Variants in PNPLA8 observed in about 807,000 individuals in gnomAD.
The protein encoded by PNPLA8 is patatin like domain 8, phospholipase A2.
In PNPLA8, 39 loss-of-function variants were observed where a neutral mutation model predicts 76.9. That is an observed-to-expected ratio of 0.51 (90% CI 0.39 to 0.66). The LOEUF (loss-of-function observed/expected upper bound fraction) is 0.66. Among genes scored for constraint, PNPLA8 ranks in the 30% least tolerant of loss-of-function variants. The probability of loss-of-function intolerance (pLI) is 0.00; values close to 1 mark genes in which losing one functional copy is unlikely to be tolerated. For missense variants in PNPLA8, 887 were observed against 918.0 expected, an observed-to-expected ratio of 0.97 and a Z score of 0.44; for synonymous variants, 301 against 307.9, an observed-to-expected ratio of 0.98 and a Z score of 0.24.
At chr7:108,504,920 T>C (rs1258167334) in intron 4 of PNPLA8, among the ~76,000 whole-genome samples, 1 of 151,728 alleles carries the variant, frequency 6.6e-6, no homozygotes, top group East Asian at 1.9e-4. Context: ...CTACTAAAAA[T>C]ACAAAACTAG....
intron 4 of PNPLA8, among the ~76,000 whole-genome samples, chr7:108,513,472 G>T (rs6961022): frequency 0.012 from 1,793 of 151,984 alleles, 38 homozygotes; most frequent in African/African-American, 0.039. Flanking sequence ...CTAAAAATAA[G>T]CACTAATAGA....
chr7:108,513,698 AC>A (rs1343706256), intron 4 of PNPLA8, among the ~76,000 whole-genome samples: 1 of 152,254 alleles, frequency 6.6e-6, no homozygotes, highest in South Asian at 2.1e-4. Flanking sequence ...TCATTGTTTT[AC>A]TTAATATGAT....
chr7:108,505,340 A>T (rs1563968078), intron 4 of PNPLA8, among the ~76,000 whole-genome samples: 1 of 5,566 alleles, frequency 1.8e-4, no homozygotes, highest in Non-Finnish European at 2.6e-4. Flanking sequence ...ATATATATAT[A>T]TATATATATA....
At chr7:108,477,298 G>A (rs1334379618) in intron 10 of PNPLA8, among the ~76,000 whole-genome samples, 7 of 152,100 alleles carry the variant, frequency 4.6e-5, no homozygotes, top group Non-Finnish European at 7.4e-5. Flanking sequence ...ATAAAGCTGG[G>A]AGAAAAAGAG....
rs767804992 is a variant in PNPLA8 at position 108,515,485 on chromosome 7, T to C, written c.7A>G (p.Ile3Val). The change falls in exon 3 of 11, where the codon ATT (isoleucine) becomes GTT (valine). Residue 3 changes from isoleucine (I) to valine (V), a missense_variant. Ile to Val is a conservative substitution (Grantham distance 29). Coordinates refer to ENST00000257694, the MANE Select transcript of PNPLA8 (RefSeq NM_001256007.3). ...ATATATATATCTACAGTCAGATTAA[T>C]AGACATAACTTAAAAATCATTTATT... MSINLTVDIYIYL... is the reference protein window; with the variant it reads MSVNLTVDIYIYL... 4.6e-5 allele frequency: 66 copies of C among 1,435,050 alleles called. 1 individual carries two copies. In the South Asian group the frequency reaches 8.3e-4, roughly 18 times the overall value. 88.9% of individuals were successfully genotyped at this position (1,435,050 alleles called of 1,614,324 possible).
intron 9 of PNPLA8, chr7:108,480,728 T>G: frequency 2.4e-6 from 1 of 420,300 alleles, no homozygotes; most frequent in South Asian, 1.7e-5. Flanking sequence ...CTCATTTCAT[T>G]GTAAAATATT....
chr7:108,512,977 T>C (rs540125253), intron 4 of PNPLA8, among the ~76,000 whole-genome samples: 8 of 152,264 alleles, frequency 5.3e-5, no homozygotes, highest in African/African-American at 1.9e-4. Flanking sequence ...GTGAGCCACC[T>C]TGCCCCTTCT....
intron 5 of PNPLA8, 103 bp from the exon 6 acceptor site, chr7:108,497,680 C>A: frequency 1.9e-6 from 1 of 514,592 alleles, no homozygotes; most frequent in South Asian, 5.3e-5. Context: ...AGTTTATATG[C>A]TAACATGAAA....
intron 4 of PNPLA8, among the ~76,000 whole-genome samples, chr7:108,511,725 C>T (rs1862946011): frequency 6.6e-6 from 1 of 152,042 alleles, no homozygotes; most frequent in Non-Finnish European, 1.5e-5. Context: ...TCATTTGGAT[C>T]TAATCAGTTA....
At chr7:108,494,606 T>C (rs1025470294) in intron 7 of PNPLA8, among the ~76,000 whole-genome samples, 1 of 152,196 alleles carries the variant, frequency 6.6e-6, no homozygotes, top group Admixed American at 6.5e-5. Flanking sequence ...TCCAATCCAC[T>C]GTTGATGGGC....
At chr7:108,516,775 G>A (rs1863375449) in intron 2 of PNPLA8, among the ~76,000 whole-genome samples, 1 of 152,080 alleles carries the variant, frequency 6.6e-6, no homozygotes, top group African/African-American at 2.4e-5. Context: ...GGTGGTGCAC[G>A]TCGGTAATCT....
chr7:108,493,419 A>G (rs1861327745), intron 7 of PNPLA8, among the ~76,000 whole-genome samples: 1 of 151,840 alleles, frequency 6.6e-6, no homozygotes, highest in African/African-American at 2.4e-5. Flanking sequence ...TTATATATAT[A>G]TATTTTTTGA....
intron 9 of PNPLA8, 33 bp downstream of exon 9, chr7:108,487,726 A>AT (rs1417355432): frequency 2.9e-6 from 4 of 1,400,974 alleles, no homozygotes; most frequent in Non-Finnish European, 3.9e-6. Context: ...ATCATGTAAA[A>AT]TTTAAAAAAA....
At chr7:108,527,568 C>T (rs551323082), upstream of PNPLA8, 5 of 152,222 alleles carry the variant, frequency 3.3e-5, no homozygotes, top group African/African-American at 1.2e-4. Context: ...TGACTATCAC[C>T]ATGGGGGAGA....
At chr7:108,506,710 GA>G (rs34829037) in intron 4 of PNPLA8, among the ~76,000 whole-genome samples, 4 of 146,518 alleles carry the variant, frequency 2.7e-5, no homozygotes, top group East Asian at 4.0e-4. Flanking sequence ...AATATTGAGT[GA>G]AAAAAAAAAC....
At chr7:108,476,786 A>C (rs924084463) in intron 10 of PNPLA8, among the ~76,000 whole-genome samples, 2 of 152,212 alleles carry the variant, frequency 1.3e-5, no homozygotes, top group Non-Finnish European at 2.9e-5. Flanking sequence ...ATACACACAC[A>C]CAAGAATCCT....
At chr7:108,475,499 C>T (rs537722764) in intron 10 of PNPLA8, among the ~76,000 whole-genome samples, 2 of 152,226 alleles carry the variant, frequency 1.3e-5, no homozygotes, top group South Asian at 4.1e-4. Flanking sequence ...ATTGAATCTA[C>T]ATATCAATTT....
In PNPLA8 at chr7:108,489,861, C is replaced by T. The variant is rs150409903; in HGVS notation, c.1683+1549G>A. Among the ~76,000 whole-genome samples the T allele has an allele frequency of 5.3e-5, 8 of 152,328 alleles. No individual in the cohort carries two copies. The East Asian group carries it at 1.3e-3, about 26-fold the overall frequency. Reference sequence around the variant, plus strand: ...GTAATATTAAACAGAACTCAAGCAACACTCAGATCATTGGGTTTCAAACAC... The same window carrying T: ...GTAATATTAAACAGAACTCAAGCAATACTCAGATCATTGGGTTTCAAACAC... On this transcript the variant is annotated intron_variant, in intron 8 of 10. Coordinates refer to ENST00000257694, the MANE Select transcript of PNPLA8 (RefSeq NM_001256007.3).
At chr7:108,524,158 C>T (rs1863926455) in intron 1 of PNPLA8, among the ~76,000 whole-genome samples, 1 of 152,170 alleles carries the variant, frequency 6.6e-6, no homozygotes, top group African/African-American at 2.4e-5. Context: ...ACGTATTTAC[C>T]AGATGATAGT....
Sources: allele counts gnomAD v4.1 joint callset (sites outside exome capture counted in the v4.1 genomes callset), GRCh38; gene constraint gnomAD v4.1.1; transcripts MANE v1.5; gene names NCBI Gene and HGNC (gene_info 2026-07-23, HGNC 2026-07-21).